Variants in FLI1 observed in about 807,000 individuals in gnomAD.
The protein encoded by FLI1 is Friend leukemia integration 1 transcription factor.
A neutral mutation model predicts 53.1 loss-of-function variants in FLI1; 13 were observed. The observed-to-expected ratio is 0.24, with a 90% CI of 0.16 to 0.39. FLI1 has a LOEUF of 0.39. FLI1 is among the 10% of genes least tolerant of loss of function. The pLI is 1.00. For missense variants in FLI1, 424 were observed against 600.5 expected, an observed-to-expected ratio of 0.71 and a Z score of 3.07; for synonymous variants, 244 against 236.7, an observed-to-expected ratio of 1.03 and a Z score of -0.28.
At chr11:128,686,638 C>A (rs1865808776) in exon 1 of FLI1, 1 of 365,362 alleles carries the variant, frequency 2.7e-6, no homozygotes, top group Admixed American at 3.5e-5. Context: ...GGTTCTTGGG[C>A]GTTCCCGACC....
At chr11:128,787,151 G>A (rs1942113105) in intron 5 of FLI1, among the ~76,000 whole-genome samples, 1 of 152,190 alleles carries the variant, frequency 6.6e-6, no homozygotes, top group Non-Finnish European at 1.5e-5. Flanking sequence ...TTCTCTCCAG[G>A]AGAGTCCTAG....
chr11:128,772,028 C>CCACA (rs57703345), intron 3 of FLI1, among the ~76,000 whole-genome samples: 12 of 139,138 alleles, frequency 8.6e-5, no homozygotes, highest in South Asian at 4.9e-4. Context: ...AACATCCCCA[C>CCACA]CACACACACA....
Position 128,812,415 on chromosome 11 carries a change from C to T in FLI1, c.*1427C>T. The T allele has an allele frequency of 4.4e-6, 1 of 225,772 alleles. No individual in the cohort carries two copies. Among genetic ancestry groups the T allele is most frequent in the African/African-American group, 2.2e-5 (1 of 45,110 alleles). The allele number at this position is 225,772 out of a possible 1,614,324, so 14.0% of individuals were successfully genotyped here. ...TGACTAAATAAATGGTTCCTTCTCT[C>T]AGTGCTGAGGACAGTTTTCTTATTT... On this transcript the variant is annotated 3_prime_UTR_variant, in exon 9 of 9. Transcript: ENST00000527786.
chr11:128,743,756 T>C (rs1940247673), intron 1 of FLI1, among the ~76,000 whole-genome samples: 1 of 152,190 alleles, frequency 6.6e-6, no homozygotes. Context: ...GGGTTTTAGC[T>C]GGGTTTTCTG....
At chr11:128,781,629 C>G (rs1050751489) in intron 4 of FLI1, among the ~76,000 whole-genome samples, 3 of 152,208 alleles carry the variant, frequency 2.0e-5, no homozygotes, top group African/African-American at 7.2e-5. Context: ...TTTACTGATT[C>G]TCAATGCTGT....
chr11:128,691,595 A>G (rs1029555461), upstream of FLI1: 1 of 152,192 alleles, frequency 6.6e-6, no homozygotes, highest in Admixed American at 6.5e-5. Context: ...CAGGCTCTCC[A>G]CTACCCCCCG....
At chr11:128,798,762 G>A (rs1942523146) in intron 5 of FLI1, among the ~76,000 whole-genome samples, 1 of 152,206 alleles carries the variant, frequency 6.6e-6, no homozygotes, top group Non-Finnish European at 1.5e-5. Flanking sequence ...CGCCGCTGAA[G>A]TGAAGGTTTA....
chr11:128,720,991 A>C (rs909753600), intron 1 of FLI1, among the ~76,000 whole-genome samples: 1 of 152,042 alleles, frequency 6.6e-6, no homozygotes, highest in Non-Finnish European at 1.5e-5. Context: ...CCACCCAGTC[A>C]AGTTCTGCAC....
At chr11:128,775,476 G>A (rs750471020) in intron 4 of FLI1, among the ~76,000 whole-genome samples, 1 of 152,062 alleles carries the variant, frequency 6.6e-6, no homozygotes, top group Non-Finnish European at 1.5e-5. Flanking sequence ...TTTTTAATTG[G>A]TGTCTACCTT....
At chr11:128,757,640 T>C (rs1940944246) in intron 1 of FLI1, among the ~76,000 whole-genome samples, 1 of 152,230 alleles carries the variant, frequency 6.6e-6, no homozygotes, top group African/African-American at 2.4e-5. Flanking sequence ...ACCTAGCCTC[T>C]CTGGGTGGAT....
intron 4 of FLI1, among the ~76,000 whole-genome samples, chr11:128,780,710 C>T (rs1342676998): frequency 1.3e-5 from 2 of 152,224 alleles, no homozygotes; most frequent in East Asian, 1.9e-4. Context: ...AACTCCATTT[C>T]GGCATCCCTT....
intron 5 of FLI1, among the ~76,000 whole-genome samples, chr11:128,786,327 A>G (rs1942079921): frequency 6.6e-6 from 1 of 152,222 alleles, no homozygotes; most frequent in Non-Finnish European, 1.5e-5. Flanking sequence ...TGATAAAGGT[A>G]TAGGTAAGTG....
intron 1 of FLI1, among the ~76,000 whole-genome samples, chr11:128,733,260 T>G (rs962469777): frequency 1.3e-5 from 2 of 152,188 alleles, no homozygotes; most frequent in Non-Finnish European, 2.9e-5. Flanking sequence ...TAAAGAATGC[T>G]GATTCCTCGG....
chr11:128,747,027 G>T (rs921354783), intron 1 of FLI1, among the ~76,000 whole-genome samples: 1 of 152,172 alleles, frequency 6.6e-6, no homozygotes, highest in Non-Finnish European at 1.5e-5. Context: ...TGCAGGAAGA[G>T]GCTGCTCCCA....
At chr11:128,759,032 G>A (rs965179954) in intron 2 of FLI1, among the ~76,000 whole-genome samples, 1 of 152,216 alleles carries the variant, frequency 6.6e-6, no homozygotes, top group African/African-American at 2.4e-5. Context: ...AAACAGGACT[G>A]GGATATTCAC....
intron 1 of FLI1, among the ~76,000 whole-genome samples, chr11:128,749,480 G>A (rs763331510): frequency 1.3e-5 from 2 of 152,162 alleles, no homozygotes; most frequent in East Asian, 3.9e-4. Flanking sequence ...GCATGGTGGC[G>A]ATTTCCACGG....
intron 1 of FLI1, among the ~76,000 whole-genome samples, chr11:128,702,790 A>T (rs143825153): frequency 0.016 from 2,444 of 151,212 alleles, 74 homozygotes; most frequent in African/African-American, 0.055. Flanking sequence ...TGAACATAGG[A>T]GGTGGAGGTT....
At chr11:128,764,085 G>A (rs946986975) in intron 2 of FLI1, among the ~76,000 whole-genome samples, 2 of 152,224 alleles carry the variant, frequency 1.3e-5, no homozygotes, top group Non-Finnish European at 2.9e-5. Flanking sequence ...TTGACAGTGA[G>A]CCTGGGCTCA....
intron 1 of FLI1, among the ~76,000 whole-genome samples, chr11:128,704,394 C>T (rs565181453): frequency 1.3e-5 from 2 of 152,248 alleles, no homozygotes; most frequent in South Asian, 2.1e-4. Context: ...GTGCTAATCC[C>T]TTTCCGTTAA....
Sources: gnomAD v4.1 joint callset for allele counts (sites outside exome capture counted in the v4.1 genomes callset) on GRCh38, gnomAD v4.1.1 for gene constraint, MANE v1.5 for transcripts, NCBI Gene and HGNC (gene_info 2026-07-23, HGNC 2026-07-21) for gene names.